Variants in DLG2 observed in about 807,000 individuals in gnomAD.
The protein encoded by DLG2 is discs large MAGUK scaffold protein 2, also known as disks large homolog 2.
A neutral mutation model predicts 132.5 loss-of-function variants in DLG2; 45 were observed. That is an observed-to-expected ratio of 0.34 (90% CI 0.27 to 0.44). The LOEUF (loss-of-function observed/expected upper bound fraction) is 0.44. Ranked by LOEUF, DLG2 falls within the 20% of genes least tolerant of loss-of-function variation. DLG2 has a pLI of 1.00. For synonymous variants in DLG2, 424 were observed against 419.6 expected (o/e 1.01, Z -0.13); for missense variants, 1,045 against 1,196.9 (o/e 0.87, Z 1.87).
chr11:84,349,715 T>C (rs962460076), intron 7 of DLG2, among the ~76,000 whole-genome samples: 1 of 152,164 alleles, frequency 6.6e-6, no homozygotes, highest in African/African-American at 2.4e-5. Flanking sequence ...CTACTAATTG[T>C]TGTAGAAGAA....
At chr11:84,899,867 C>T (rs1421809917) in intron 6 of DLG2, among the ~76,000 whole-genome samples, 2 of 152,030 alleles carry the variant, frequency 1.3e-5, no homozygotes, top group Non-Finnish European at 2.9e-5. Flanking sequence ...AAGACACAGG[C>T]CCTTCTGGAG....
At position 84,252,298 on chromosome 11, in the gene DLG2, G is replaced by A. The variant is rs559608746; in HGVS notation, c.520-1007C>T. ...CCCGAGTAGCTGGAACTACAGGCAT[G>A]TGCCACCATGCCCAGCTAATTTTTG... is the stretch of plus-strand genomic sequence containing the variant. On this transcript the variant is annotated intron_variant, in intron 7 of 27. Transcript: ENST00000376104. Among the ~76,000 whole-genome samples the A allele has an allele frequency of 2.6e-5, 4 of 151,582 alleles. 1 individual carries two copies. Among genetic ancestry groups the A allele is most frequent in the African/African-American group, 7.3e-5 (3 of 41,332 alleles).
chr11:83,601,584 T>C (rs2058573819), intron 19 of DLG2, among the ~76,000 whole-genome samples: 1 of 141,382 alleles, frequency 7.1e-6, no homozygotes, highest in Admixed American at 7.6e-5. Flanking sequence ...CGATCTCGGC[T>C]CAATGCAACC....
chr11:85,493,409 A>AAAAAAAGT (rs2093605333), intron 3 of DLG2, among the ~76,000 whole-genome samples: 1 of 152,044 alleles, frequency 6.6e-6, no homozygotes. Flanking sequence ...CTTAAATGTC[A>AAAAAAAGT]CCTTCTAAAG....
rs2099268464 is a variant in DLG2 at position 84,515,061 on chromosome 11, T to A, written c.519+19509A>T. On this transcript the variant is annotated intron_variant, in intron 7 of 27. Transcript: ENST00000376104. Reference sequence around the variant, plus strand: ...AAAACATGATAGACACACAAAAAAATTAAAAAATAAGGAATCAAAACATAC... The same window carrying A: ...AAAACATGATAGACACACAAAAAAAATAAAAAATAAGGAATCAAAACATAC... Among the ~76,000 whole-genome samples the A allele has an allele frequency of 2.6e-5, 4 of 151,104 alleles. No homozygotes were observed. In the South Asian group the frequency reaches 8.3e-4, roughly 32 times the overall value.
intron 7 of DLG2, among the ~76,000 whole-genome samples, chr11:84,493,958 T>C (rs535163097): frequency 1.1e-3 from 164 of 152,274 alleles, no homozygotes; most frequent in South Asian, 3.7e-3. Context: ...TTTGTCATAG[T>C]GTAACATAGA....
chr11:84,806,381 C>T (rs987444339), intron 6 of DLG2, among the ~76,000 whole-genome samples: 5 of 152,006 alleles, frequency 3.3e-5, no homozygotes, highest in African/African-American at 9.7e-5. Context: ...GGCAATGATA[C>T]ATTATAGTCA....
intron 6 of DLG2, among the ~76,000 whole-genome samples, chr11:84,715,904 T>G (rs2061165528): frequency 6.6e-6 from 1 of 152,088 alleles, no homozygotes; most frequent in Non-Finnish European, 1.5e-5. Flanking sequence ...AGATGCTAAT[T>G]TCGTTTCCTT....
intron 21 of DLG2, among the ~76,000 whole-genome samples, chr11:83,497,448 T>C (rs2094205071): frequency 6.6e-6 from 1 of 152,016 alleles, no homozygotes; most frequent in Non-Finnish European, 1.5e-5. Flanking sequence ...GACAGGAGAA[T>C]TGCTTGAACC....
At chr11:85,184,769 T>C (rs2152519093) in intron 4 of DLG2, among the ~76,000 whole-genome samples, 1 of 151,964 alleles carries the variant, frequency 6.6e-6, no homozygotes, top group East Asian at 1.9e-4. Context: ...TTCTGTAATA[T>C]GAACTTCTTT....
At chr11:84,087,407 T>C (rs2097005228) in intron 10 of DLG2, among the ~76,000 whole-genome samples, 1 of 152,230 alleles carries the variant, frequency 6.6e-6, no homozygotes, top group Non-Finnish European at 1.5e-5. Flanking sequence ...TGAATAATGA[T>C]GCTGGACATC....
At chr11:83,966,589 C>T (rs1478491945) in intron 12 of DLG2, among the ~76,000 whole-genome samples, 3 of 151,892 alleles carry the variant, frequency 2.0e-5, no homozygotes, top group Non-Finnish European at 4.4e-5. Flanking sequence ...ATTTCAAATA[C>T]CTAGGTTATC....
At chr11:84,276,010 T>C in intron 7 of DLG2, among the ~76,000 whole-genome samples, 1 of 152,150 alleles carries the variant, frequency 6.6e-6, no homozygotes, top group East Asian at 1.9e-4. Context: ...GGAAGAAATG[T>C]GACACCAAGA....
intron 7 of DLG2, chr11:84,316,950 C>A: frequency 6.2e-7 from 1 of 1,612,772 alleles, no homozygotes; most frequent in Non-Finnish European, 8.5e-7. Flanking sequence ...AAGCTGGACC[C>A]CCCGGTCCTG....
chr11:83,789,350 CAG>C (rs1348979850), intron 17 of DLG2, among the ~76,000 whole-genome samples: 2 of 111,166 alleles, frequency 1.8e-5, no homozygotes, highest in African/African-American at 7.0e-5. Context: ...ATAAAAATCA[CAG>C]TGGATAGCAG....
intron 6 of DLG2, among the ~76,000 whole-genome samples, chr11:84,815,810 G>A (rs1050841803): frequency 2.8e-4 from 42 of 152,020 alleles, no homozygotes; most frequent in Admixed American, 1.3e-4. Context: ...TATGATGAGA[G>A]GGTCTGGAGC....
At chr11:84,089,562 C>T (rs939033894) in intron 10 of DLG2, among the ~76,000 whole-genome samples, 8 of 152,172 alleles carry the variant, frequency 5.3e-5, no homozygotes, top group Non-Finnish European at 8.8e-5. Flanking sequence ...TTGAAACATT[C>T]GTCCTTGACC....
intron 6 of DLG2, among the ~76,000 whole-genome samples, chr11:85,003,252 C>T (rs150483200): frequency 5.3e-4 from 80 of 152,024 alleles, no homozygotes; most frequent in Middle Eastern, 3.4e-3. Flanking sequence ...TTGAATACAA[C>T]GTAAATAACA....
intron 21 of DLG2, among the ~76,000 whole-genome samples, chr11:83,518,870 G>A (rs1420243701): frequency 6.6e-6 from 1 of 152,244 alleles, no homozygotes; most frequent in Admixed American, 6.5e-5. Flanking sequence ...TGTTCCTGGG[G>A]TTTCTCAGCT....
Sources: allele counts gnomAD v4.1 joint callset (sites outside exome capture counted in the v4.1 genomes callset), GRCh38; gene constraint gnomAD v4.1.1; transcripts MANE v1.5; gene names NCBI Gene and HGNC (gene_info 2026-07-23, HGNC 2026-07-21).